UCHL5: variants seen among roughly 807,000 people sequenced by gnomAD.
UCHL5 encodes ubiquitin C-terminal hydrolase L5.
UCHL5 carries 34 observed loss-of-function variants against 53.8 expected under a neutral mutation model. The ratio of observed to expected loss-of-function variants is 0.63; its 90% CI spans 0.48 to 0.84. The LOEUF (loss-of-function observed/expected upper bound fraction) is 0.84, where lower values mean the gene tolerates loss of function less well. Among genes scored for constraint, UCHL5 ranks in the 40% least tolerant of loss-of-function variants. The probability of loss-of-function intolerance (pLI) is 0.00; values close to 1 mark genes in which losing one functional copy is unlikely to be tolerated. For synonymous variants in UCHL5, 111 were observed against 126.3 expected (o/e 0.88, Z 0.81); for missense variants, 290 against 385.6 (o/e 0.75, Z 2.08).
intron 3 of UCHL5, among the ~76,000 whole-genome samples, chr1:193,041,646 G>T (rs1302819955): frequency 6.6e-6 from 1 of 152,104 alleles, no homozygotes; most frequent in African/African-American, 2.4e-5. Context: ...GGAGAAACTT[G>T]CACATGTACA....
At chr1:193,054,155 A>G (rs1669940022) in intron 1 of UCHL5, among the ~76,000 whole-genome samples, 1 of 152,360 alleles carries the variant, frequency 6.6e-6, no homozygotes, top group East Asian at 1.9e-4. Context: ...TGAAATATTT[A>G]TTAACTAACA....
intron 1 of UCHL5, 57 bp from the exon 2 acceptor site, chr1:193,051,874 A>G (rs1669161803): frequency 8.0e-7 from 1 of 1,248,128 alleles, no homozygotes; most frequent in Non-Finnish European, 1.1e-6. Flanking sequence ...TTCCTTCAAC[A>G]TGAAATAAAA....
At chr1:193,027,772 TA>T in intron 7 of UCHL5, 1 of 514,796 alleles carries the variant, frequency 1.9e-6, no homozygotes. Flanking sequence ...GACATACTAC[TA>T]CATGAAATTT....
Position 193,049,762 on chromosome 1 carries a change from A to G in UCHL5, c.230T>C (p.Ile77Thr). 1 of 1,610,876 alleles carries G rather than the reference A, an allele frequency of 6.2e-7. No individual in the cohort carries two copies. Among genetic ancestry groups the G allele is most frequent in the Non-Finnish European group, 8.5e-7 (1 of 1,178,328 alleles). The change falls in exon 3 of 11, where the codon ATA (isoleucine) becomes ACA (threonine). Residue 77 changes from isoleucine (I) to threonine (T), a missense_variant. Ile to Thr is a moderately conservative substitution (Grantham distance 89). Transcript: ENST00000367454. ...GGACCATACCTGCTTAGCAAAAAAT[A>G]TCGTGTCAAGTCGGGAGTCCTGAAC... ...SVVQDSRLDT[I>T]FFAKQVINNA...
chr1:193,038,182 C>CACG (rs1439219743), intron 3 of UCHL5, among the ~76,000 whole-genome samples: 2 of 152,158 alleles, frequency 1.3e-5, no homozygotes, highest in African/African-American at 4.8e-5. Flanking sequence ...TTAGGCCGGG[C>CACG]ACCGTGGCTC....
intron 10 of UCHL5, chr1:193,018,481 T>C: frequency 2.0e-6 from 2 of 988,722 alleles, no homozygotes; most frequent in Non-Finnish European, 2.4e-6. Flanking sequence ...TTTATAACTA[T>C]ATATTTTTGG....
chr1:193,058,710 A>G (rs924183590), intron 1 of UCHL5, among the ~76,000 whole-genome samples: 4 of 152,246 alleles, frequency 2.6e-5, no homozygotes, highest in African/African-American at 9.6e-5. Context: ...TTGAATAACC[A>G]GAATCTCGAG....
upstream of UCHL5, chr1:193,059,438 A>G (rs190007176): frequency 5.0e-4 from 813 of 1,610,460 alleles, 6 homozygotes; most frequent in African/African-American, 6.0e-3. This position sits in a 1 kb window ranked among gnomAD's most constrained non-coding sequence, Gnocchi z 4.9. Flanking sequence ...GCGCGGGAGG[A>G]CGCTCTAGCC....
chr1:193,037,005 T>C (rs767832298), intron 3 of UCHL5, among the ~76,000 whole-genome samples: 2 of 151,870 alleles, frequency 1.3e-5, no homozygotes, highest in African/African-American at 4.8e-5. Context: ...GGCAAAAGCA[T>C]ACTAAGAGGG....
At chr1:193,060,037 T>C, upstream of UCHL5, 2 of 1,346,530 alleles carry the variant, frequency 1.5e-6, no homozygotes, top group Non-Finnish European at 2.0e-6. Flanking sequence ...GGACCGCTCC[T>C]GCTTGTCGGC....
Position 193,029,418 on chromosome 1 carries a change from A to T in UCHL5, c.404T>A (p.Val135Glu), listed in dbSNP as rs1421965148. The change falls in exon 5 of 11, where the codon GTG becomes GAG. Residue 135 changes from valine to glutamate, a missense_variant. By Grantham distance (121) the Val-to-Glu change is moderately radical. Transcript: ENST00000367454. ...GAAACTGTTGTGTACTTGTCGAATCACATCTGAATTGCTCAGTGCCAAGCC... is the reference window on the plus strand; with the variant it reads ...GAAACTGTTGTGTACTTGTCGAATCTCATCTGAATTGCTCAGTGCCAAGCC... ...MKGLALSNSD[V>E]IRQVHNSFAR... 2 of 1,613,808 alleles carry T rather than the reference A, an allele frequency of 1.2e-6. No homozygotes were observed. Among genetic ancestry groups the T allele is most frequent in the Non-Finnish European group, 1.7e-6 (2 of 1,179,878 alleles).
rs1351296045 is a variant in UCHL5 at position 193,013,417 on chromosome 1, T to G, written c.*2934A>C. ...GGTTTGTTTCCTGAAAATTTGTATA[T>G]GATCAAGTTTAAAAATAATATAAAC... On this transcript the variant is annotated 3_prime_UTR_variant, in exon 11 of 11. Coordinates refer to ENST00000367454, the MANE Select transcript of UCHL5 (RefSeq NM_001199261.3). 1 of 152,162 alleles carries G rather than the reference T, an allele frequency of 6.6e-6. No individual in the cohort carries two copies. The highest frequency in any genetic ancestry group is 2.4e-5 in the African/African-American group (1 of 41,414). The allele number at this position is 152,162 out of a possible 1,614,324, so 9.4% of individuals were successfully genotyped here.
At chr1:193,059,468 T>C (rs1417976566), upstream of UCHL5, 2 of 1,608,014 alleles carry the variant, frequency 1.2e-6, no homozygotes, top group South Asian at 1.1e-5. This position sits in a 1 kb window ranked among gnomAD's most constrained non-coding sequence, Gnocchi z 4.9. Context: ...ACATCGAAAC[T>C]CTTCCCAGGC....
At chr1:193,029,019 T>C (rs1478303249) in intron 6 of UCHL5, among the ~76,000 whole-genome samples, 160 bp downstream of exon 6, 1 of 152,176 alleles carries the variant, frequency 6.6e-6, no homozygotes, top group Non-Finnish European at 1.5e-5. Context: ...GTCCTTCCTA[T>C]ATATTAATAT....
At chr1:193,042,367 T>C (rs1665883381) in intron 3 of UCHL5, among the ~76,000 whole-genome samples, 1 of 152,174 alleles carries the variant, frequency 6.6e-6, no homozygotes, top group African/African-American at 2.4e-5. Flanking sequence ...ACTTTGTTTC[T>C]TAAAATAATC....
intron 3 of UCHL5, among the ~76,000 whole-genome samples, chr1:193,047,058 A>G (rs1040701124): frequency 2.6e-5 from 4 of 152,136 alleles, no homozygotes; most frequent in East Asian, 3.8e-4. Context: ...TGAAATGAAG[A>G]CAACAACCTC....
At chr1:193,048,275 G>C (rs562237249) in intron 3 of UCHL5, among the ~76,000 whole-genome samples, 195 of 152,210 alleles carry the variant, frequency 1.3e-3, no homozygotes, top group Non-Finnish European at 2.1e-3. Flanking sequence ...TGTTGTTGTT[G>C]ATAAAATTTG....
chr1:193,039,714 A>C (rs1664867271), intron 3 of UCHL5, among the ~76,000 whole-genome samples: 1 of 152,206 alleles, frequency 6.6e-6, no homozygotes, highest in Non-Finnish European at 1.5e-5. Flanking sequence ...AAAGAACTAA[A>C]CTGGAAGAAT....
At chr1:193,043,912 C>T (rs775285049) in intron 3 of UCHL5, among the ~76,000 whole-genome samples, 2 of 152,174 alleles carry the variant, frequency 1.3e-5, no homozygotes, top group African/African-American at 2.4e-5. Context: ...TGTGGCTCTT[C>T]CCTTGGCTAA....
Sources: gnomAD v4.1 joint callset for allele counts (sites outside exome capture counted in the v4.1 genomes callset) on GRCh38, gnomAD v4.1.1 for gene constraint, Gnocchi (gnomAD v3.1) non-coding constraint, MANE v1.5 for transcripts, NCBI Gene and HGNC (gene_info 2026-07-23, HGNC 2026-07-21) for gene names.